Variants in C12orf42 observed in about 807,000 individuals in gnomAD.
C12orf42 encodes uncharacterized protein C12orf42.
A neutral mutation model predicts 21.6 loss-of-function variants in C12orf42; 25 were observed. The observed-to-expected ratio is 1.16, with a 90% CI of 0.84 to 1.62. The LOEUF is 1.62. C12orf42 is among the 40% of genes most tolerant of loss of function. The pLI is 0.00. For synonymous variants in C12orf42, 174 were observed against 175.0 expected (o/e 0.99, Z 0.05); for missense variants, 483 against 459.3 (o/e 1.05, Z -0.47).
chr12:103,445,450 T>G (rs908147428), intron 2 of C12orf42, among the ~76,000 whole-genome samples: 10 of 152,058 alleles, frequency 6.6e-5, no homozygotes, highest in Non-Finnish European at 1.0e-4. Flanking sequence ...TTTGGGTTTT[T>G]GGGGGGTTTT....
At chr12:103,202,828 ACAATT>A in the C12orf42 span, among the ~76,000 whole-genome samples, 1 of 152,188 alleles carries the variant, frequency 6.6e-6, no homozygotes, top group Non-Finnish European at 1.5e-5. Flanking sequence ...AGGGGGCCAA[ACAATT>A]CAGCTGTTGG....
the C12orf42 span, among the ~76,000 whole-genome samples, chr12:103,150,503 A>G: frequency 1.3e-5 from 2 of 152,226 alleles, no homozygotes; most frequent in Admixed American, 1.3e-4. Flanking sequence ...AATTTAGGTT[A>G]ATCCATAATA....
chr12:103,059,081 T>A, the C12orf42 span, among the ~76,000 whole-genome samples: 1 of 151,880 alleles, frequency 6.6e-6, no homozygotes, highest in Non-Finnish European at 1.5e-5. Context: ...GACCACTAAC[T>A]AGACTAATAA....
chr12:103,374,670 AAC>A (rs140104146), intron 3 of C12orf42, among the ~76,000 whole-genome samples: 1 of 151,740 alleles, frequency 6.6e-6, no homozygotes, highest in Middle Eastern at 3.4e-3. Context: ...CCAATGAGAA[AAC>A]ACACACACAC....
At chr12:103,111,469 A>G in the C12orf42 span, among the ~76,000 whole-genome samples, 5 of 152,210 alleles carry the variant, frequency 3.3e-5, no homozygotes, top group Admixed American at 2.0e-4. Flanking sequence ...GATTCGATGA[A>G]TATTAGTGAG....
rs145951636 is a variant in C12orf42, at chr12:103,454,520, A to G, written c.78+23829T>C. Reference sequence around the variant, plus strand: ...ATTCCCACCAGCCAAAAATATATTCAAATTTCTGTATCCAAAAAAGACCTT... The same window carrying G: ...ATTCCCACCAGCCAAAAATATATTCGAATTTCTGTATCCAAAAAAGACCTT... On this transcript the variant is annotated intron_variant, in intron 2 of 5. Coordinates refer to ENST00000548883, the MANE Select transcript of C12orf42 (RefSeq NM_198521.5). Among the ~76,000 whole-genome samples, 839 of 152,224 alleles carry G rather than the reference A, an allele frequency of 5.5e-3. 9 individuals are homozygous for G. The highest frequency in any genetic ancestry group is 0.019 in the African/African-American group (810 of 41,550).
At chr12:103,530,842 G>A in the C12orf42 span, among the ~76,000 whole-genome samples, 1 of 152,090 alleles carries the variant, frequency 6.6e-6, no homozygotes, top group African/African-American at 2.4e-5. Flanking sequence ...GTCCTATTGT[G>A]AGCCCATCAT....
chr12:103,335,311 A>T lies in C12orf42; in HGVS notation c.260-28966T>A, dbSNP rs545093307. ...ACCCTTTTGGCCTCTTTAAATAAAC[A>T]CTTACCTCCACACTCCAATGGAAAA... On this transcript the variant is annotated intron_variant, in intron 4 of 5. Transcript: ENST00000548883. Among the ~76,000 whole-genome samples, 7 of 152,332 alleles carry T rather than the reference A, an allele frequency of 4.6e-5. No individual in the cohort carries two copies. The South Asian group carries it at 1.4e-3, about 32-fold the overall frequency.
chr12:103,387,554 G>A (rs2046716659), intron 3 of C12orf42, among the ~76,000 whole-genome samples: 1 of 152,182 alleles, frequency 6.6e-6, no homozygotes, highest in African/African-American at 2.4e-5. Context: ...GGAGTGGGTT[G>A]GCCTCAAGCC....
At chr12:103,413,905 G>T (rs1168915074) in intron 2 of C12orf42, among the ~76,000 whole-genome samples, 1 of 151,954 alleles carries the variant, frequency 6.6e-6, no homozygotes, top group Non-Finnish European at 1.5e-5. Flanking sequence ...TCCACTCATT[G>T]GTTGATGTAC....
At chr12:103,563,041 AG>A in the C12orf42 span, among the ~76,000 whole-genome samples, 1 of 152,224 alleles carries the variant, frequency 6.6e-6, no homozygotes, top group Admixed American at 6.5e-5. Flanking sequence ...TTGATGAATA[AG>A]CTATCTGGAG....
the C12orf42 span, among the ~76,000 whole-genome samples, chr12:103,208,331 G>A: frequency 0.019 from 2,913 of 152,100 alleles, 35 homozygotes; most frequent in East Asian, 0.028. Context: ...CTCCCCACAC[G>A]GCCCCCCTTT....
the C12orf42 span, chr12:103,161,624 A>G: frequency 1.8e-4 from 27 of 152,200 alleles, 1 homozygote; most frequent in Non-Finnish European, 2.6e-4. Flanking sequence ...GACAATAATA[A>G]ATGATGGTAC....
the C12orf42 span, among the ~76,000 whole-genome samples, chr12:103,151,501 T>C: frequency 2.0e-5 from 3 of 152,120 alleles, no homozygotes; most frequent in Non-Finnish European, 4.4e-5. Context: ...AGTTCAAATA[T>C]ATAAACTGCC....
the C12orf42 span, among the ~76,000 whole-genome samples, chr12:103,542,151 G>T: frequency 1.3e-5 from 2 of 152,210 alleles, no homozygotes; most frequent in African/African-American, 4.8e-5. Context: ...GACAATAGCA[G>T]TCAAAGAAAA....
At chr12:103,094,461 G>A in the C12orf42 span, among the ~76,000 whole-genome samples, 1 of 152,088 alleles carries the variant, frequency 6.6e-6, no homozygotes, top group African/African-American at 2.4e-5. Flanking sequence ...TCAGTTCTAG[G>A]TATTTCTAGG....
chr12:103,302,690 A>AAAC, intron 5 of C12orf42, 131 bp from the exon 6 acceptor site: 1 of 738,340 alleles, frequency 1.4e-6, no homozygotes, highest in South Asian at 2.3e-5. Context: ...GAAAAAAAAA[A>AAAC]AAAAACCCTG....
At chr12:103,147,587 T>C in the C12orf42 span, among the ~76,000 whole-genome samples, 82 of 147,916 alleles carry the variant, frequency 5.5e-4, no homozygotes, top group Non-Finnish European at 1.1e-3. Context: ...CAGAATTGAA[T>C]GTGACCCACA....
At chr12:103,372,282 CCTT>C (rs1300585147) in intron 3 of C12orf42, among the ~76,000 whole-genome samples, 1 of 152,110 alleles carries the variant, frequency 6.6e-6, no homozygotes, top group Non-Finnish European at 1.5e-5. Context: ...ATGGCACTGG[CCTT>C]CTTAATAGTG....
Sources: allele counts gnomAD v4.1 joint callset (sites outside exome capture counted in the v4.1 genomes callset), GRCh38; gene constraint gnomAD v4.1.1; transcripts MANE v1.5; gene names NCBI Gene and HGNC (gene_info 2026-07-23, HGNC 2026-07-21).